Variants in LRRTM4 observed in about 807,000 individuals in gnomAD.
The protein encoded by LRRTM4 is leucine-rich repeat transmembrane neuronal protein 4.
Under a neutral mutation model 47.6 loss-of-function variants are expected in LRRTM4, and 25 were observed. The ratio of observed to expected loss-of-function variants is 0.53; its 90% CI spans 0.38 to 0.73. The LOEUF (loss-of-function observed/expected upper bound fraction) is 0.73, where lower values mean the gene tolerates loss of function less well. Ranked by LOEUF, LRRTM4 falls within the 30% of genes least tolerant of loss-of-function variation. The pLI is 0.00. For missense variants in LRRTM4, 638 were observed against 713.4 expected, an observed-to-expected ratio of 0.89 and a Z score of 1.20; for synonymous variants, 311 against 269.5, an observed-to-expected ratio of 1.15 and a Z score of -1.51.
intron 3 of LRRTM4, among the ~76,000 whole-genome samples, chr2:77,229,971 T>C (rs373789400): frequency 6.6e-6 from 1 of 152,248 alleles, no homozygotes; most frequent in South Asian, 2.1e-4. Context: ...GGAAATGTTA[T>C]ACTATGGTGT....
chr2:77,521,965 C>A, intron 1 of LRRTM4, 144 bp downstream of exon 1: 1 of 628,102 alleles, frequency 1.6e-6, no homozygotes, highest in Admixed American at 2.6e-5. Context: ...TGGGGGAGGG[C>A]CTCTAGGCTC....
chr2:77,490,106 C>G (rs1678077988), intron 3 of LRRTM4, among the ~76,000 whole-genome samples: 1 of 151,868 alleles, frequency 6.6e-6, no homozygotes, highest in Non-Finnish European at 1.5e-5. Context: ...AAACATTAGC[C>G]GGGCACGGTG....
At chr2:77,388,897 A>C (rs1188925013) in intron 3 of LRRTM4, among the ~76,000 whole-genome samples, 1 of 152,066 alleles carries the variant, frequency 6.6e-6, no homozygotes, top group Admixed American at 6.6e-5. Context: ...TATATAATGC[A>C]AGTATTCTGT....
At chr2:77,198,126 AG>A (rs1673879637) in intron 3 of LRRTM4, among the ~76,000 whole-genome samples, 1 of 152,190 alleles carries the variant, frequency 6.6e-6, no homozygotes, top group South Asian at 2.1e-4. Context: ...TTCTGCACTG[AG>A]GGCTGCTTTG....
chr2:76,825,781 CTG>C (rs1358040349), intron 3 of LRRTM4, among the ~76,000 whole-genome samples: 1 of 151,508 alleles, frequency 6.6e-6, no homozygotes, highest in Non-Finnish European at 1.5e-5. Flanking sequence ...AGGTTTGGAA[CTG>C]AGCCTGGAGC....
At chr2:77,430,220 C>T (rs748719682) in intron 3 of LRRTM4, among the ~76,000 whole-genome samples, 12 of 152,142 alleles carry the variant, frequency 7.9e-5, no homozygotes, top group Admixed American at 1.3e-4. Context: ...AGTTATTCCA[C>T]AATGTATACA....
chr2:77,061,934 AT>A (rs1445458169), intron 3 of LRRTM4, among the ~76,000 whole-genome samples: 2 of 152,222 alleles, frequency 1.3e-5, no homozygotes, highest in Admixed American at 1.3e-4. Flanking sequence ...TAATGAGCCA[AT>A]TAAACAAAAT....
intron 3 of LRRTM4, among the ~76,000 whole-genome samples, chr2:77,281,828 A>G (rs909611834): frequency 5.9e-5 from 9 of 151,914 alleles, no homozygotes; most frequent in African/African-American, 1.4e-4. Flanking sequence ...ACACAAAAAT[A>G]AAAGTTTGAC....
chr2:77,012,284 C>T (rs938342870), intron 3 of LRRTM4, among the ~76,000 whole-genome samples: 4 of 151,540 alleles, frequency 2.6e-5, no homozygotes, highest in African/African-American at 9.7e-5. Context: ...TTATTATTTC[C>T]AAGAATAATC....
intron 3 of LRRTM4, among the ~76,000 whole-genome samples, chr2:77,031,543 A>G (rs1678656493): frequency 6.6e-6 from 1 of 152,156 alleles, no homozygotes; most frequent in Admixed American, 6.5e-5. Flanking sequence ...ACTGTAGATG[A>G]TGGGTTACTC....
intron 3 of LRRTM4, among the ~76,000 whole-genome samples, chr2:76,777,924 A>G (rs1332328353): frequency 1.7e-4 from 25 of 143,190 alleles, no homozygotes; most frequent in African/African-American, 2.6e-4. Flanking sequence ...ATTATTTTGA[A>G]ATACGTCCCA....
At chr2:77,373,859 C>A (rs954911990) in intron 3 of LRRTM4, among the ~76,000 whole-genome samples, 1 of 151,730 alleles carries the variant, frequency 6.6e-6, no homozygotes, top group Non-Finnish European at 1.5e-5. Context: ...GGAAACAGCT[C>A]AGGTTAACAC....
chr2:76,965,252 G>A (rs540856894), intron 3 of LRRTM4, among the ~76,000 whole-genome samples: 19 of 151,332 alleles, frequency 1.3e-4, no homozygotes, highest in African/African-American at 4.3e-4. Flanking sequence ...AAGAGTGAAT[G>A]TAAACTACAG....
At chr2:76,971,184 G>A (rs1676207869) in intron 3 of LRRTM4, among the ~76,000 whole-genome samples, 1 of 151,994 alleles carries the variant, frequency 6.6e-6, no homozygotes, top group South Asian at 2.1e-4. Context: ...AATAGAAGAT[G>A]TTTTTAAAGT....
chr2:76,785,224 A>G (rs935570692), intron 3 of LRRTM4, among the ~76,000 whole-genome samples: 2 of 152,140 alleles, frequency 1.3e-5, no homozygotes, highest in African/African-American at 4.8e-5. Context: ...GAAGACTTTA[A>G]TAACTGATTT....
intron 3 of LRRTM4, among the ~76,000 whole-genome samples, chr2:77,157,105 G>A (rs1672581089): frequency 6.6e-6 from 1 of 151,774 alleles, no homozygotes; most frequent in African/African-American, 2.4e-5. Context: ...TATATCCAAG[G>A]AGGCATTACT....
intron 3 of LRRTM4, among the ~76,000 whole-genome samples, chr2:77,123,660 T>G (rs1166941833): frequency 6.6e-6 from 1 of 152,168 alleles, no homozygotes; most frequent in Non-Finnish European, 1.5e-5. Context: ...TTAAAAATTC[T>G]TAATTTATAT....
chr2:77,019,824 A>C (rs1678203768), intron 3 of LRRTM4, among the ~76,000 whole-genome samples: 1 of 152,114 alleles, frequency 6.6e-6, no homozygotes, highest in Admixed American at 6.6e-5. Flanking sequence ...ATTTTAAAAC[A>C]TGTAGCACTG....
chr2:76,780,409 A>T (rs1210107698), intron 3 of LRRTM4, among the ~76,000 whole-genome samples: 1 of 152,146 alleles, frequency 6.6e-6, no homozygotes, highest in African/African-American at 2.4e-5. Flanking sequence ...AATCAGACGT[A>T]GATTTGGTCT....
Sources: allele counts gnomAD v4.1 joint callset (sites outside exome capture counted in the v4.1 genomes callset), GRCh38; gene constraint gnomAD v4.1.1; transcripts MANE v1.5; gene names NCBI Gene and HGNC (gene_info 2026-07-23, HGNC 2026-07-21).